CSF2RA: variants seen among roughly 807,000 people sequenced by gnomAD.
CSF2RA encodes the protein colony stimulating factor 2 receptor subunit alpha.
In CSF2RA, 42 loss-of-function variants were observed where a neutral mutation model predicts 51.6. That is an observed-to-expected ratio of 0.81 (90% CI 0.64 to 1.05). The LOEUF is 1.05. Among genes scored for constraint, CSF2RA ranks in the 50% least tolerant of loss-of-function variants. The pLI, the probability that CSF2RA is intolerant of heterozygous loss-of-function variation, is 0.00. For synonymous variants in CSF2RA, 222 were observed against 193.0 expected (o/e 1.15, Z -1.24); for missense variants, 530 against 501.1 (o/e 1.06, Z -0.55).
downstream of CSF2RA, among the ~76,000 whole-genome samples, chrX:1,312,274 C>T (rs1393978052): frequency 3.9e-5 from 6 of 152,170 alleles, no homozygotes; most frequent in African/African-American, 2.4e-5. Context: ...GTCAGGCCCA[C>T]GGGGACACTC....
At chrX:1,287,589 G>GC (rs1244124543) in intron 4 of CSF2RA, among the ~76,000 whole-genome samples, 1 of 148,158 alleles carries the variant, frequency 6.7e-6, no homozygotes, top group African/African-American at 2.5e-5. Flanking sequence ...GATTACAGGT[G>GC]CCCACCACCA....
rs1190197354 is a variant in CSF2RA at position 1,282,128 on chromosome X, C to G, written c.-26-550C>G. On this transcript the variant is annotated intron_variant, in intron 2 of 12. Transcript: ENST00000381529. ...GCTGAGGCAGGAGAATGGTGTGAAC[C>G]TGGGATGTGGAGGTTGCAGTGAGCC... 4.1e-4 allele frequency: 63 copies of G among 155,384 alleles called. 2 individuals are homozygous for G. The highest frequency in any genetic ancestry group is 3.0e-4 in the Non-Finnish European group (21 of 70,798). 9.6% of individuals were successfully genotyped at this position (155,384 alleles called of 1,614,324 possible). A position where few individuals can be genotyped will look rare whatever the true frequency, so the allele number is the denominator to read the frequency against.
intron 10 of CSF2RA, 125 bp downstream of exon 10, chrX:1,300,751 AG>A (rs1473164081): frequency 7.9e-7 from 1 of 1,258,626 alleles, no homozygotes; most frequent in African/African-American, 1.5e-5. Context: ...GAGTAGTGTC[AG>A]GCTCTGAGCT....
rs773333416 is a variant in CSF2RA at position 1,288,510 on chromosome X, A to G, written c.220-9A>G. On this transcript the variant is annotated splice_polypyrimidine_tract_variant and intron_variant, in intron 4 of 12. Transcript: ENST00000381529. ...TCCTAATCGGCTCTGTCTGGTTGCAATTCTTCAGCTCAGTAACAACGAATG... is the reference window on the plus strand; with the variant it reads ...TCCTAATCGGCTCTGTCTGGTTGCAGTTCTTCAGCTCAGTAACAACGAATG... 8 of 1,613,944 alleles carry G rather than the reference A, an allele frequency of 5.0e-6. No individual in the cohort carries two copies. Among genetic ancestry groups the G allele is most frequent in the East Asian group, 2.2e-5 (1 of 44,872 alleles).
At chrX:1,274,882 T>C (rs1259830854) in intron 2 of CSF2RA, 64 bp downstream of exon 2, 1 of 453,068 alleles carries the variant, frequency 2.2e-6, no homozygotes, top group South Asian at 1.6e-5. Flanking sequence ...AAGTGAAGTC[T>C]AAAGAACTGA....
At chrX:1,322,017 C>T in the CSF2RA span, among the ~76,000 whole-genome samples, 1 of 152,048 alleles carries the variant, frequency 6.6e-6, no homozygotes, top group Non-Finnish European at 1.5e-5. Context: ...TGCCTGTAAT[C>T]CCAGAACTTT....
intron 10 of CSF2RA, among the ~76,000 whole-genome samples, chrX:1,301,120 T>C (rs1266587619): frequency 6.7e-6 from 1 of 148,926 alleles, no homozygotes. Context: ...GCCATTGCAC[T>C]CCAGCCTGGG....
intron 9 of CSF2RA, among the ~76,000 whole-genome samples, chrX:1,298,488 G>GC (rs2092130731): frequency 2.0e-5 from 2 of 101,690 alleles, no homozygotes; most frequent in Non-Finnish European, 1.9e-5. Flanking sequence ...ATGACCCCTG[G>GC]AGTAACCCTA....
chrX:1,311,860 G>C (rs1384721270), downstream of CSF2RA, among the ~76,000 whole-genome samples: 2 of 152,152 alleles, frequency 1.3e-5, no homozygotes, highest in African/African-American at 4.8e-5. Flanking sequence ...AGAAAAGGCT[G>C]ACTTTCTTCA....
At chrX:1,311,712 A>G (rs2084199845), downstream of CSF2RA, among the ~76,000 whole-genome samples, 1 of 152,066 alleles carries the variant, frequency 6.6e-6, no homozygotes. Context: ...ACGTGCTGGG[A>G]TGACAGGCGT....
At chrX:1,316,463 C>T in the CSF2RA span, among the ~76,000 whole-genome samples, 4 of 152,156 alleles carry the variant, frequency 2.6e-5, no homozygotes, top group African/African-American at 9.7e-5. Context: ...AAAGATACTA[C>T]CAGGGGCCAT....
the CSF2RA span, among the ~76,000 whole-genome samples, chrX:1,322,068 A>G: frequency 6.6e-6 from 1 of 151,744 alleles, no homozygotes; most frequent in Non-Finnish European, 1.5e-5. Flanking sequence ...CCAGGATTTC[A>G]GGACCAGCCT....
intron 9 of CSF2RA, among the ~76,000 whole-genome samples, chrX:1,298,319 G>A (rs1489969652): frequency 9.1e-4 from 15 of 16,540 alleles, no homozygotes; most frequent in Non-Finnish European, 9.0e-4. Context: ...GACCCCTGGC[G>A]GAACCCTACA....
chrX:1,323,789 C>T, the CSF2RA span, among the ~76,000 whole-genome samples: 5 of 150,892 alleles, frequency 3.3e-5, no homozygotes, highest in Middle Eastern at 7.0e-3. Flanking sequence ...CAGAGGCGGG[C>T]AGATCATGAG....
intron 9 of CSF2RA, among the ~76,000 whole-genome samples, chrX:1,296,061 T>G (rs777591913): frequency 6.8e-6 from 1 of 146,990 alleles, no homozygotes; most frequent in South Asian, 2.2e-4. Flanking sequence ...AACCATACAG[T>G]CCCCTACCCA....
chrX:1,291,131 G>T (rs1327030471), intron 7 of CSF2RA, among the ~76,000 whole-genome samples: 1 of 151,778 alleles, frequency 6.6e-6, no homozygotes, highest in Non-Finnish European at 1.5e-5. Flanking sequence ...CATCTTGGCC[G>T]GGCTAGTCTC....
chrX:1,270,947 T>C (rs1398795680), intron 1 of CSF2RA, among the ~76,000 whole-genome samples: 1 of 115,332 alleles, frequency 8.7e-6, no homozygotes, highest in African/African-American at 3.4e-5. Context: ...AAGGCTGAGG[T>C]GACAGAGGAT....
At chrX:1,300,722 G>C in intron 10 of CSF2RA, 96 bp downstream of exon 10, 1 of 1,526,546 alleles carries the variant, frequency 6.6e-7, no homozygotes. Context: ...CGCTGAGATC[G>C]AGTTGAGCAC....
At chrX:1,316,193 A>G in the CSF2RA span, among the ~76,000 whole-genome samples, 7 of 151,982 alleles carry the variant, frequency 4.6e-5, no homozygotes, top group African/African-American at 1.7e-4. Flanking sequence ...AGATAGACAC[A>G]TAGACAGATA....
Sources: allele counts gnomAD v4.1 joint callset (sites outside exome capture counted in the v4.1 genomes callset), GRCh38; gene constraint gnomAD v4.1.1; transcripts MANE v1.5; gene names NCBI Gene and HGNC (gene_info 2026-07-23, HGNC 2026-07-21).